Variants in B4GALT5 observed in about 807,000 individuals in gnomAD.
B4GALT5 encodes the protein beta-1,4-galactosyltransferase 5, also known as UDP-Gal:beta-GlcNAc beta-1,4-galactosyltransferase 5.
In B4GALT5, 11 loss-of-function variants were observed where a neutral mutation model predicts 45.0. The observed-to-expected ratio is 0.24, with a 90% confidence interval of 0.15 to 0.40. B4GALT5 has a LOEUF of 0.40. Among genes scored for constraint, B4GALT5 ranks in the 10% least tolerant of loss-of-function variants. B4GALT5 has a pLI of 1.00. For missense variants in B4GALT5, 337 were observed against 500.2 expected (o/e 0.67, Z 3.11); for synonymous variants, 185 against 182.9 (o/e 1.01, Z -0.09).
chr20:49,649,324 A>C (rs1225059392), intron 2 of B4GALT5, among the ~76,000 whole-genome samples: 3 of 152,198 alleles, frequency 2.0e-5, no homozygotes, highest in African/African-American at 7.2e-5. Context: ...CATGCCTATA[A>C]TCCCAGCACT....
Position 49,676,652 on chromosome 20 carries a change from C to T in B4GALT5, c.116-19950G>A, listed in dbSNP as rs148807067. Among the ~76,000 whole-genome samples the T allele has an allele frequency of 9.4e-4, 143 of 152,298 alleles. 2 individuals are homozygous for T. Among genetic ancestry groups the T allele is most frequent in the African/African-American group, 2.9e-3 (119 of 41,556 alleles). ...TACTGCGCAGGGGCTATGAAGGCCCCATGGTTCTAGGACTAGAGCAGATGC... is the reference window on the plus strand; with the variant it reads ...TACTGCGCAGGGGCTATGAAGGCCCTATGGTTCTAGGACTAGAGCAGATGC... On this transcript the variant is annotated intron_variant, in intron 1 of 8. Transcript: ENST00000371711.
intron 2 of B4GALT5, among the ~76,000 whole-genome samples, chr20:49,648,583 T>C (rs991303268): frequency 1.3e-5 from 2 of 152,246 alleles, no homozygotes; most frequent in Admixed American, 6.5e-5. Context: ...CTTTTATCAG[T>C]GGTTCTTCTG....
At chr20:49,675,027 C>T (rs552225291) in intron 1 of B4GALT5, among the ~76,000 whole-genome samples, 7 of 152,160 alleles carry the variant, frequency 4.6e-5, no homozygotes, top group African/African-American at 1.7e-4. Flanking sequence ...CAAAAAATCC[C>T]GGGAAAAATA....
At chr20:49,704,698 G>A (rs1432695869) in intron 1 of B4GALT5, among the ~76,000 whole-genome samples, 14 of 146,144 alleles carry the variant, frequency 9.6e-5, no homozygotes, top group Admixed American at 7.6e-4. Context: ...CAGCCTGGGC[G>A]ACAGAGCAAG....
chr20:49,702,528 G>A (rs1410700836), intron 1 of B4GALT5, among the ~76,000 whole-genome samples: 1 of 152,124 alleles, frequency 6.6e-6, no homozygotes. Flanking sequence ...TCATGTATCT[G>A]ATAAAGGTTT....
rs550279216 is a variant in B4GALT5 at position 49,706,736 on chromosome 20, G to C, written c.115+6840C>G. Among the ~76,000 whole-genome samples, 17 of 152,224 alleles carry C rather than the reference G, an allele frequency of 1.1e-4. No homozygotes were observed. In the South Asian group the frequency reaches 3.3e-3, roughly 30 times the overall value. ...GCCCACACCCAACCTGCTTGCTTAC[G>C]ATTATCTGTTTGTCTTAGCCAGTGG... On this transcript the variant is annotated intron_variant, in intron 1 of 8. Coordinates refer to ENST00000371711, the MANE Select transcript of B4GALT5 (RefSeq NM_004776.4).
chr20:49,652,059 A>T (rs1249947645), intron 2 of B4GALT5, among the ~76,000 whole-genome samples: 1 of 152,208 alleles, frequency 6.6e-6, no homozygotes, highest in Non-Finnish European at 1.5e-5. Context: ...AGCCTGGGTG[A>T]CAGAGCAAGA....
At chr20:49,647,231 G>T (rs1330340183) in intron 2 of B4GALT5, among the ~76,000 whole-genome samples, 153 bp from the exon 3 acceptor site, 3 of 152,158 alleles carry the variant, frequency 2.0e-5, no homozygotes, top group African/African-American at 7.2e-5. Flanking sequence ...CTAAAAATGT[G>T]AACCCATCAA....
chr20:49,689,693 A>AT (rs1024027634), intron 1 of B4GALT5, among the ~76,000 whole-genome samples: 1 of 151,810 alleles, frequency 6.6e-6, no homozygotes, highest in Non-Finnish European at 1.5e-5. Flanking sequence ...AATTAATTAG[A>AT]TTTTTTTTCC....
intron 5 of B4GALT5, among the ~76,000 whole-genome samples, chr20:49,641,830 C>T (rs1601245955): frequency 6.6e-6 from 1 of 152,064 alleles, no homozygotes; most frequent in East Asian, 1.9e-4. Context: ...AAAATGCCTA[C>T]AGAAGCCAAG....
chr20:49,651,190 G>A (rs1299851282), intron 2 of B4GALT5, among the ~76,000 whole-genome samples: 2 of 152,126 alleles, frequency 1.3e-5, no homozygotes, highest in Non-Finnish European at 2.9e-5. Context: ...GGAGGCTGAG[G>A]CAGGAGAATT....
Sources: allele counts gnomAD v4.1 joint callset (sites outside exome capture counted in the v4.1 genomes callset), GRCh38; gene constraint gnomAD v4.1.1; transcripts MANE v1.5; gene names NCBI Gene and HGNC (gene_info 2026-07-23, HGNC 2026-07-21).